The following ZNF585A variants were observed in gnomAD, a reference collection of about 807,000 sequenced individuals.
The protein encoded by ZNF585A is zinc finger protein 585A.
In ZNF585A, 9 loss-of-function variants were observed where a neutral mutation model predicts 14.9. The ratio of observed to expected loss-of-function variants is 0.60; its 90% confidence interval spans 0.36 to 1.05. ZNF585A has a LOEUF of 1.05. Ranked by LOEUF, ZNF585A falls within the 50% of genes least tolerant of loss-of-function variation. The probability of loss-of-function intolerance (pLI) is 0.01; values close to 1 mark genes in which losing one functional copy is unlikely to be tolerated. For synonymous variants in ZNF585A, 276 were observed against 319.9 expected (o/e 0.86, Z 1.46); for missense variants, 726 against 926.4 (o/e 0.78, Z 2.81).
intron 4 of ZNF585A, among the ~76,000 whole-genome samples, chr19:37,153,992 C>T (rs549003040): frequency 6.6e-6 from 1 of 152,290 alleles, no homozygotes; most frequent in Non-Finnish European, 1.5e-5. Context: ...GAAACCTCTT[C>T]AGAGATTCCG....
chr19:37,165,811 T>C (rs182090679), intron 2 of ZNF585A: 1 of 187,852 alleles, frequency 5.3e-6, no homozygotes, highest in East Asian at 1.9e-4. Flanking sequence ...ACCTTTCCAT[T>C]ATTTTTTACT....
rs143291075 is a variant in ZNF585A, at chr19:37,153,503, G to A, written c.396C>T (p.Cys132=). The A allele has an allele frequency of 5.0e-5, 81 of 1,613,936 alleles. No individual in the cohort carries two copies. The highest frequency in any genetic ancestry group is 1.5e-4 in the South Asian group (14 of 91,074). Residue 132 remains cysteine, a synonymous_variant, in exon 5 of 5, where the codon TGC becomes TGT. Coordinates refer to ENST00000292841, the MANE Select transcript of ZNF585A (RefSeq NM_001288800.2). The part of the protein sequence containing the change: ...KMYPGEKAYE[C]AKFEKIFTQK... ...GGGTGAATATCTTTTCAAATTTGGC[G>A]CATTCATAAGCTTTCTCCCCAGGAT...
chr19:37,151,047 C>A lies in ZNF585A; in HGVS notation c.*542G>T. 2 of 260,030 alleles carry A rather than the reference C, an allele frequency of 7.7e-6. No homozygotes were observed. Among genetic ancestry groups the A allele is most frequent in the East Asian group, 6.8e-5 (1 of 14,742 alleles). 16.1% of individuals were successfully genotyped at this position (260,030 alleles called of 1,614,324 possible). On this transcript the variant is annotated 3_prime_UTR_variant, in exon 5 of 5. Coordinates refer to ENST00000292841, the MANE Select transcript of ZNF585A (RefSeq NM_001288800.2). ...TTTTCTTTTTTTTTTTGTAGCATCT[C>A]TTTCTTGATAGAAATACTGAATGAG...
rs759823202 is a variant in ZNF585A, at chr19:37,156,369, T to G, written c.73-14A>C. The G allele has an allele frequency of 1.9e-6, 3 of 1,614,090 alleles. No homozygotes were observed. On this transcript the variant is annotated splice_polypyrimidine_tract_variant and intron_variant, in intron 2 of 4. Transcript: ENST00000292841. ...GGACACTGATCCCTGTAAGGGCAAA[T>G]TCTTGTTCAATGTGCACAGTCAGCT...
At chr19:37,168,626 C>T (rs1218759568) in intron 2 of ZNF585A, among the ~76,000 whole-genome samples, 3 of 152,182 alleles carry the variant, frequency 2.0e-5, no homozygotes, top group African/African-American at 4.8e-5. Context: ...GATACCCAAT[C>T]ATAAAATTTC....
At chr19:37,160,869 T>G (rs1050043304) in intron 2 of ZNF585A, among the ~76,000 whole-genome samples, 1 of 152,084 alleles carries the variant, frequency 6.6e-6, no homozygotes, top group Non-Finnish European at 1.5e-5. Flanking sequence ...TTTCTTCTTC[T>G]TTTTAATTTT....
intron 2 of ZNF585A, among the ~76,000 whole-genome samples, chr19:37,156,783 C>T (rs1971938099): frequency 6.6e-6 from 1 of 152,068 alleles, no homozygotes; most frequent in South Asian, 2.1e-4. Context: ...CCTCCGCCTC[C>T]CAGGTTCAAG....
Position 37,153,259 on chromosome 19 carries a change from A to G in ZNF585A, c.640T>C (p.Tyr214His), listed in dbSNP as rs1336173140. ...HQRIHTGEKL[Y>H]ECSQCGKGFS... ...CCTTTCCCACACTGGCTGCATTCAT[A>G]GAGTTTCTCTCCGGTATGAATTCTC... Residue 214 changes from tyrosine (Y) to histidine (H), a missense_variant, in exon 5 of 5, where the codon TAT (tyrosine) becomes CAT (histidine). Transcript: ENST00000292841. 1 of 1,614,090 alleles carries G rather than the reference A, an allele frequency of 6.2e-7. No individual in the cohort carries two copies. Among genetic ancestry groups the G allele is most frequent in the Non-Finnish European group, 8.5e-7 (1 of 1,180,044 alleles).
intron 4 of ZNF585A, 36 bp from the exon 5 acceptor site, chr19:37,153,642 A>AT: frequency 1.4e-6 from 2 of 1,448,760 alleles, no homozygotes; most frequent in Non-Finnish European, 1.9e-6. Flanking sequence ...ATAGGAAGAC[A>AT]TTTTATCATT....
At position 37,147,308 on chromosome 19, in the gene ZNF585A, A is replaced by C. The variant is rs1971755665; in HGVS notation, c.*4281T>G. 6.6e-6 allele frequency: 1 copy of C among 152,308 alleles called. No homozygotes were observed. The highest frequency in any genetic ancestry group is 1.5e-5 in the Non-Finnish European group (1 of 68,080). The allele number at this position is 152,308 out of a possible 1,614,324, so 9.4% of individuals were successfully genotyped here. A position where few individuals can be genotyped will look rare whatever the true frequency, so the allele number is the denominator to read the frequency against. ...AAGGTGGAAGAGGAAAGCAAGATGC[A>C]CGGGCACTGGAGAAGCAGAGCACTC... On this transcript the variant is annotated 3_prime_UTR_variant, in exon 5 of 5. Transcript: ENST00000292841.
rs1971789794 is a variant in ZNF585A, at chr19:37,149,495, T to C, written c.*2094A>G. 6.6e-6 allele frequency: 1 copy of C among 152,212 alleles called. No homozygotes were observed. The highest frequency in any genetic ancestry group is 2.4e-5 in the African/African-American group (1 of 41,444). The allele number at this position is 152,212 out of a possible 1,614,324, so 9.4% of individuals were successfully genotyped here. A position where few individuals can be genotyped will look rare whatever the true frequency, so the allele number is the denominator to read the frequency against. On this transcript the variant is annotated 3_prime_UTR_variant, in exon 5 of 5. Coordinates refer to ENST00000292841, the MANE Select transcript of ZNF585A (RefSeq NM_001288800.2). ...TCAGATGCTTATGTTGACTGATGAC[T>C]AATATTAACAGGATGCTGTCATTGG...
At chr19:37,164,276 G>A (rs148916848) in intron 2 of ZNF585A, among the ~76,000 whole-genome samples, 38 of 152,096 alleles carry the variant, frequency 2.5e-4, no homozygotes, top group East Asian at 1.6e-3. Context: ...GGTGGCGGGC[G>A]CCTGTAGTCC....
intron 4 of ZNF585A, among the ~76,000 whole-genome samples, chr19:37,154,555 C>A (rs1403907259): frequency 6.6e-6 from 1 of 151,892 alleles, no homozygotes. Flanking sequence ...ACAACAAAAA[C>A]GAACCCTGGT....
chr19:37,170,034 TC>T lies in ZNF585A; in HGVS notation c.-125del. On this transcript the variant is annotated 5_prime_UTR_variant, in exon 2 of 5. Coordinates refer to ENST00000292841, the MANE Select transcript of ZNF585A (RefSeq NM_001288800.2). ...CTAGAGGAAAATCTGGCCCAGGGGC[TC>T]CCCAGAGACACCCAGAAACCTGGAA... 1 of 1,144,056 alleles carries T rather than the reference TC, an allele frequency of 8.7e-7. No homozygotes were observed. Among genetic ancestry groups the T allele is most frequent in the Non-Finnish European group, 1.2e-6 (1 of 814,332 alleles). The allele number at this position is 1,144,056 out of a possible 1,614,324, so 70.9% of individuals were successfully genotyped here.
At chr19:37,154,317 T>C (rs1654218490) in intron 4 of ZNF585A, among the ~76,000 whole-genome samples, 1 of 152,196 alleles carries the variant, frequency 6.6e-6, no homozygotes, top group Non-Finnish European at 1.5e-5. Flanking sequence ...TCCAAACTCT[T>C]AATTCACTTA....
At chr19:37,162,217 C>A (rs1389656930) in intron 2 of ZNF585A, among the ~76,000 whole-genome samples, 1 of 152,216 alleles carries the variant, frequency 6.6e-6, no homozygotes, top group Non-Finnish European at 1.5e-5. Context: ...AGCCACCACG[C>A]CCGGCCTAAA....
chr19:37,171,713 C>T (rs958044820), intron 1 of ZNF585A, among the ~76,000 whole-genome samples: 11 of 152,072 alleles, frequency 7.2e-5, no homozygotes, highest in African/African-American at 2.7e-4. Context: ...CCAGCCTGGC[C>T]AACATGGTGA....
Position 37,153,407 on chromosome 19 carries a change from C to T in ZNF585A, c.492G>A (p.Gly164=). ...GEKLYVCIEC[G]KAFVQKPEFI... ...ATTCTGGCTTCTGTACAAAAGCCTT[C>T]CCACATTCAATGCATACATAGAGCT... Residue 164 remains glycine, a synonymous_variant, in exon 5 of 5, where the codon GGG becomes GGA. Transcript: ENST00000292841. The T allele has an allele frequency of 6.2e-7, 1 of 1,614,062 alleles. No homozygotes were observed. The highest frequency in any genetic ancestry group is 8.5e-7 in the Non-Finnish European group (1 of 1,180,004).
At position 37,152,474 on chromosome 19, in the gene ZNF585A, G is replaced by A. The variant is rs1436899620; in HGVS notation, c.1425C>T (p.Phe475=). 3 of 1,613,934 alleles carry A rather than the reference G, an allele frequency of 1.9e-6. No individual in the cohort carries two copies. The highest frequency in any genetic ancestry group is 4.5e-5 in the East Asian group (2 of 44,874). ...PYMCNKCGKA[F]TNRSNLITHQ... is the part of the protein sequence containing the mutation. ...GTGTAATGAGATTTGACCGGTTGGTGAATGCCTTCCCACATTTATTGCACA... is the reference window on the plus strand; with the variant it reads ...GTGTAATGAGATTTGACCGGTTGGTAAATGCCTTCCCACATTTATTGCACA... The change falls in exon 5 of 5, where the codon TTC becomes TTT. Residue 475 remains phenylalanine, a synonymous_variant. Transcript: ENST00000292841.
Sources: allele counts gnomAD v4.1 joint callset (sites outside exome capture counted in the v4.1 genomes callset), GRCh38; gene constraint gnomAD v4.1.1; transcripts MANE v1.5; gene names NCBI Gene and HGNC (gene_info 2026-07-23, HGNC 2026-07-21).